Variants in TBC1D2 observed in about 807,000 individuals in gnomAD.
TBC1D2 encodes TBC1 domain family member 2A.
In TBC1D2, 58 loss-of-function variants were observed where a neutral mutation model predicts 91.1. The ratio of observed to expected loss-of-function variants is 0.64; its 90% CI spans 0.52 to 0.79. The LOEUF (loss-of-function observed/expected upper bound fraction) is 0.79, where lower values mean the gene tolerates loss of function less well. Ranked by LOEUF, TBC1D2 falls within the 30% of genes least tolerant of loss-of-function variation. TBC1D2 has a pLI of 0.00. For synonymous variants in TBC1D2, 482 were observed against 511.5 expected (o/e 0.94, Z 0.78); for missense variants, 1,080 against 1,208.3 (o/e 0.89, Z 1.57).
intron 4 of TBC1D2, among the ~76,000 whole-genome samples, chr9:98,231,032 A>C (rs1243372883): frequency 1.3e-5 from 2 of 152,208 alleles, no homozygotes; most frequent in Non-Finnish European, 2.9e-5. Context: ...GTAATGGGGT[A>C]TAGGGGAGCA....
At chr9:98,234,149 C>T (rs1462738742) in intron 3 of TBC1D2, among the ~76,000 whole-genome samples, 6 of 152,166 alleles carry the variant, frequency 3.9e-5, no homozygotes, top group Non-Finnish European at 7.3e-5. Context: ...TAGTGTACTT[C>T]GCAGCGGGGT....
chr9:98,251,732 G>A (rs1829876890), intron 2 of TBC1D2, 53 bp downstream of exon 2: 1 of 1,511,118 alleles, frequency 6.6e-7, no homozygotes, highest in Non-Finnish European at 8.8e-7. Flanking sequence ...GAGGGTAAAG[G>A]CTTAATCACC....
rs182194867 is a variant in TBC1D2 at position 98,247,325 on chromosome 9, G to A, written c.512-3196C>T. Among the ~76,000 whole-genome samples the A allele has an allele frequency of 2.2e-3, 278 of 126,846 alleles. 1 individual carries two copies. The highest frequency in any genetic ancestry group is 3.3e-3 in the Non-Finnish European group (197 of 59,148). 83.2% of individuals were successfully genotyped at this position (126,846 alleles called of 152,430 possible). A position where few individuals can be genotyped will look rare whatever the true frequency, so the allele number is the denominator to read the frequency against. On this transcript the variant is annotated intron_variant, in intron 2 of 12. Coordinates refer to ENST00000465784, the MANE Select transcript of TBC1D2 (RefSeq NM_001267571.2). ...AGCCTGTGTGACAGGGCGAGACTCCGTCTCAAAAAAAAAAAACAAAAACAA... is the reference window on the plus strand; with the variant it reads ...AGCCTGTGTGACAGGGCGAGACTCCATCTCAAAAAAAAAAAACAAAAACAA...
intron 4 of TBC1D2, 106 bp from the exon 5 acceptor site, chr9:98,229,254 T>A: frequency 9.4e-7 from 1 of 1,063,524 alleles, no homozygotes; most frequent in Non-Finnish European, 1.4e-6. Flanking sequence ...TGCGGATGGT[T>A]GGGCCCTAAT....
intron 3 of TBC1D2, among the ~76,000 whole-genome samples, chr9:98,237,909 C>CTTT (rs200976335): frequency 8.1e-6 from 1 of 124,104 alleles, no homozygotes. Flanking sequence ...TCTTTTTTTT[C>CTTT]TTTTTTTTTT....
intron 2 of TBC1D2, among the ~76,000 whole-genome samples, chr9:98,247,352 CACAA>C (rs1400320542): frequency 7.1e-6 from 1 of 140,158 alleles, no homozygotes; most frequent in African/African-American, 2.6e-5. Context: ...CAAAAACAAA[CACAA>C]ACAAACAAAA....
At chr9:98,249,748 T>A (rs2131295830) in intron 2 of TBC1D2, among the ~76,000 whole-genome samples, 1 of 152,364 alleles carries the variant, frequency 6.6e-6, no homozygotes, top group East Asian at 1.9e-4. Flanking sequence ...AGTAATAGCA[T>A]GGGTGTGTTC....
Position 98,244,082 on chromosome 9 carries a change from G to A in TBC1D2, c.559C>T (p.Pro187Ser), listed in dbSNP as rs750080505. Reference protein sequence around the residue: ...LEEFLCPVKTPPGLVGVAAAL... With the variant: ...LEEFLCPVKTSPGLVGVAAAL... ...GCTGCCACGCCCACTAGCCCAGGGG[G>A]TGTTTTCACAGGGCACAGGAACTCC... Residue 187 changes from proline (P) to serine (S), a missense_variant, in exon 3 of 13, where the codon CCC (proline) becomes TCC (serine). Pro to Ser is a moderately conservative substitution (Grantham distance 74). Transcript: ENST00000465784. 1 of 1,613,292 alleles carries A rather than the reference G, an allele frequency of 6.2e-7. No individual in the cohort carries two copies. Among genetic ancestry groups the A allele is most frequent in the East Asian group, 2.2e-5 (1 of 44,882 alleles).
intron 6 of TBC1D2, among the ~76,000 whole-genome samples, chr9:98,217,575 A>G (rs1167531021): frequency 6.6e-6 from 1 of 152,256 alleles, no homozygotes; most frequent in Non-Finnish European, 1.5e-5. Context: ...GGCATTCCCT[A>G]AAGTTGGGTT....
chr9:98,208,926 C>T lies in TBC1D2; in HGVS notation c.1892G>A (p.Arg631Gln), dbSNP rs142024981. 250 of 1,614,080 alleles carry T rather than the reference C, an allele frequency of 1.5e-4. No homozygotes were observed. Among genetic ancestry groups the T allele is most frequent in the East Asian group, 1.5e-3 (69 of 44,882 alleles). The change falls in exon 9 of 13, where the codon CGG becomes CAG. Residue 631 changes from arginine to glutamine, a missense_variant. Coordinates refer to ENST00000465784, the MANE Select transcript of TBC1D2 (RefSeq NM_001267571.2). The part of the protein sequence containing the change: ...LLRAGVPREH[R>Q]PRVWRWLVHL... ...GACCAGCCACCTCCAGACACGAGGC[C>T]GGTGTTCACGGGGTACTCCTGCCCG...
intron 1 of TBC1D2, among the ~76,000 whole-genome samples, chr9:98,253,309 C>T (rs987855617): frequency 6.6e-6 from 1 of 152,190 alleles, no homozygotes; most frequent in African/African-American, 2.4e-5. Context: ...CCAGCCACTC[C>T]TGACATCTCC....
chr9:98,238,950 T>C (rs1829573166), intron 3 of TBC1D2, among the ~76,000 whole-genome samples: 1 of 152,162 alleles, frequency 6.6e-6, no homozygotes, highest in African/African-American at 2.4e-5. Flanking sequence ...CTCAAACTCC[T>C]GACCTCAGGT....
intron 2 of TBC1D2, among the ~76,000 whole-genome samples, chr9:98,244,845 T>C (rs1049201827): frequency 6.6e-6 from 1 of 152,118 alleles, no homozygotes; most frequent in Non-Finnish European, 1.5e-5. Flanking sequence ...TATCAGAATG[T>C]CTTCATATGA....
At chr9:98,216,618 T>C (rs535386920) in intron 6 of TBC1D2, among the ~76,000 whole-genome samples, 2 of 152,344 alleles carry the variant, frequency 1.3e-5, no homozygotes, top group Admixed American at 1.3e-4. Flanking sequence ...CGCTGGCCAC[T>C]GCTCCACACC....
intron 10 of TBC1D2, 82 bp from the exon 11 acceptor site, chr9:98,201,746 A>G: frequency 7.1e-7 from 1 of 1,407,404 alleles, no homozygotes; most frequent in Non-Finnish European, 9.6e-7. Context: ...CTACCCAGTC[A>G]GTCCACACAC....
chr9:98,231,279 C>CTTTTTTTTTTTTTT (rs35195996), intron 4 of TBC1D2, among the ~76,000 whole-genome samples: 3 of 76,740 alleles, frequency 3.9e-5, no homozygotes, highest in African/African-American at 1.1e-4. Flanking sequence ...CTCAACTCTG[C>CTTTTTTTTTTTTTT]TTTTTTTTTT....
At chr9:98,203,123 G>T (rs1307470278) in intron 10 of TBC1D2, among the ~76,000 whole-genome samples, 165 bp downstream of exon 10, 4 of 152,282 alleles carry the variant, frequency 2.6e-5, no homozygotes, top group African/African-American at 9.6e-5. Flanking sequence ...TGAAGCTGTT[G>T]TTAGGTTGGG....
chr9:98,224,027 G>A (rs938814863), intron 5 of TBC1D2, among the ~76,000 whole-genome samples: 2 of 151,714 alleles, frequency 1.3e-5, no homozygotes, highest in Admixed American at 1.3e-4. Flanking sequence ...GTGAAACCCC[G>A]TCTCTACTAA....
rs755229102 is a variant in TBC1D2, at chr9:98,200,323, A to C, written c.2509T>G (p.Leu837Val). The change falls in exon 12 of 13, where the codon TTG becomes GTG. Residue 837 changes from leucine (L) to valine (V), a missense_variant. By Grantham distance (32) the Leu-to-Val change is conservative (BLOSUM62 1). Transcript: ENST00000465784. ...AIFKYNEKEILRLQNGLEIYQ... is the reference protein window; with the variant it reads ...AIFKYNEKEIVRLQNGLEIYQ... ...ATTTCCAGGCCATTCTGTAGCCTCA[A>C]GATCTCCTTCTCGTTGTACTTGAAA... 4.3e-6 allele frequency: 7 copies of C among 1,612,946 alleles called. No homozygotes were observed. In the African/African-American group the frequency reaches 9.4e-5, roughly 22 times the overall value.
Sources: gnomAD v4.1 joint callset for allele counts (sites outside exome capture counted in the v4.1 genomes callset) on GRCh38, gnomAD v4.1.1 for gene constraint, MANE v1.5 for transcripts, NCBI Gene and HGNC (gene_info 2026-07-23, HGNC 2026-07-21) for gene names.